The following ZNF652 variants were observed in gnomAD, a reference collection of about 807,000 sequenced individuals.
ZNF652 encodes zinc finger protein 652.
A neutral mutation model predicts 45.2 loss-of-function variants in ZNF652; 16 were observed. The observed-to-expected ratio is 0.35, with a 90% CI of 0.24 to 0.54. The LOEUF (loss-of-function observed/expected upper bound fraction) is 0.54, where lower values mean the gene tolerates loss of function less well. ZNF652 is among the 20% of genes least tolerant of loss of function. The pLI is 0.91. For synonymous variants in ZNF652, 250 were observed against 260.6 expected (o/e 0.96, Z 0.39); for missense variants, 614 against 765.6 (o/e 0.80, Z 2.34).
rs1441706538 is a variant in ZNF652, at chr17:49,297,719, T to C, written c.*694A>G. The stretch of plus-strand genomic sequence containing the variant: ...ATCTTTAAGAATCACATTTTGATGA[T>C]TATAAAAATTTTTTTCTATTTTACA... On this transcript the variant is annotated 3_prime_UTR_variant, in exon 6 of 6. Transcript: ENST00000430262. The C allele has an allele frequency of 6.6e-6, 1 of 152,646 alleles. No individual in the cohort carries two copies. The highest frequency in any genetic ancestry group is 1.5e-5 in the Non-Finnish European group (1 of 68,048). 9.5% of individuals were successfully genotyped at this position (152,646 alleles called of 1,614,324 possible). A position where few individuals can be genotyped will look rare whatever the true frequency, so the allele number is the denominator to read the frequency against.
chr17:49,298,386 C>G lies in ZNF652; in HGVS notation c.*27G>C. The G allele has an allele frequency of 6.2e-7, 1 of 1,611,660 alleles. No individual in the cohort carries two copies. The highest frequency in any genetic ancestry group is 8.5e-7 in the Non-Finnish European group (1 of 1,179,736). ...ACGCTCACACATGGGGACGTGTCTC[C>G]TGGAGAACACACTAAGGAGACGGAT... On this transcript the variant is annotated 3_prime_UTR_variant, in exon 6 of 6. Coordinates refer to ENST00000430262, the MANE Select transcript of ZNF652 (RefSeq NM_001145365.3).
At chr17:49,332,118 C>CA (rs1162542736) in intron 1 of ZNF652, among the ~76,000 whole-genome samples, 2 of 151,182 alleles carry the variant, frequency 1.3e-5, no homozygotes, top group East Asian at 3.9e-4. Context: ...ACTGATAATA[C>CA]AAAAATTTAG....
At chr17:49,352,834 A>C (rs929465789) in intron 1 of ZNF652, among the ~76,000 whole-genome samples, 1 of 152,258 alleles carries the variant, frequency 6.6e-6, no homozygotes, top group Non-Finnish European at 1.5e-5. Flanking sequence ...CCAAATACTT[A>C]GAAAAATCTC....
chr17:49,302,885 C>G (rs2143718126), intron 5 of ZNF652, among the ~76,000 whole-genome samples: 1 of 152,156 alleles, frequency 6.6e-6, no homozygotes, highest in Admixed American at 6.5e-5. Context: ...TCGCTTGAAC[C>G]CAGGAGGCAG....
intron 3 of ZNF652, among the ~76,000 whole-genome samples, chr17:49,312,354 C>A (rs1347518020): frequency 2.0e-5 from 3 of 151,776 alleles, no homozygotes; most frequent in Non-Finnish European, 1.5e-5. Context: ...TTAGTAGAGA[C>A]AGGGTTTCGC....
At position 49,295,569 on chromosome 17, in the gene ZNF652, A is replaced by G. The variant is rs1305385081; in HGVS notation, c.*2844T>C. ...TATTCCAGTGTATAATTACAGTACA[A>G]CCTCATGAAATGGTTGATTCTGTGG... On this transcript the variant is annotated 3_prime_UTR_variant, in exon 6 of 6. Transcript: ENST00000430262. 1 of 152,480 alleles carries G rather than the reference A, an allele frequency of 6.6e-6. No individual in the cohort carries two copies. Among genetic ancestry groups the G allele is most frequent in the Non-Finnish European group, 1.5e-5 (1 of 68,018 alleles). The allele number at this position is 152,480 out of a possible 1,614,324, so 9.4% of individuals were successfully genotyped here. A position where few individuals can be genotyped will look rare whatever the true frequency, so the allele number is the denominator to read the frequency against.
intron 1 of ZNF652, among the ~76,000 whole-genome samples, chr17:49,341,489 CAAAAAAA>C (rs754847307): frequency 2.3e-4 from 19 of 82,194 alleles, no homozygotes; most frequent in South Asian, 9.0e-4. Flanking sequence ...CTCATCTCTA[CAAAAAAA>C]AAAAAAAAAA....
At chr17:49,330,866 C>T (rs1404256001) in intron 1 of ZNF652, among the ~76,000 whole-genome samples, 1 of 150,748 alleles carries the variant, frequency 6.6e-6, no homozygotes, top group Non-Finnish European at 1.5e-5. Flanking sequence ...GCCTGACCAA[C>T]ATGGAGAAAC....
At chr17:49,353,060 T>C (rs1211213053) in intron 1 of ZNF652, among the ~76,000 whole-genome samples, 1 of 152,196 alleles carries the variant, frequency 6.6e-6, no homozygotes, top group African/African-American at 2.4e-5. Flanking sequence ...GTGGTGGTTA[T>C]ACAAATTGAT....
At chr17:49,350,991 AT>A (rs2070268285) in intron 1 of ZNF652, among the ~76,000 whole-genome samples, 1 of 20,976 alleles carries the variant, frequency 4.8e-5, no homozygotes, top group African/African-American at 1.9e-4. Flanking sequence ...ATATATATAT[AT>A]ATATATATAT....
At chr17:49,313,482 T>C (rs530334177) in intron 2 of ZNF652, among the ~76,000 whole-genome samples, 1 of 152,182 alleles carries the variant, frequency 6.6e-6, no homozygotes, top group African/African-American at 2.4e-5. Context: ...TAAACAGAAG[T>C]TGCAAGACAT....
intron 2 of ZNF652, among the ~76,000 whole-genome samples, chr17:49,314,170 TA>T (rs1195331024): frequency 3.6e-4 from 55 of 152,030 alleles, no homozygotes; most frequent in Non-Finnish European, 1.5e-4. Flanking sequence ...AAATCATTAT[TA>T]TTTTTTTTGA....
chr17:49,352,954 G>T (rs2070298026), intron 1 of ZNF652, among the ~76,000 whole-genome samples: 3 of 152,158 alleles, frequency 2.0e-5, no homozygotes, highest in Admixed American at 2.0e-4. Flanking sequence ...ATCGATAGTT[G>T]CCCAGGGTGA....
At chr17:49,356,638 G>A (rs934591745) in intron 1 of ZNF652, among the ~76,000 whole-genome samples, 3 of 151,332 alleles carry the variant, frequency 2.0e-5, no homozygotes, top group Non-Finnish European at 4.4e-5. Flanking sequence ...AATCTAAGGT[G>A]AGTCAAAGAC....
intron 5 of ZNF652, among the ~76,000 whole-genome samples, chr17:49,306,477 T>C: frequency 6.6e-6 from 1 of 152,178 alleles, no homozygotes; most frequent in Non-Finnish European, 1.5e-5. Flanking sequence ...TGGTTTTTAA[T>C]AGAGATGGTG....
chr17:49,303,247 C>CTTTTTTT (rs779042339), intron 5 of ZNF652, among the ~76,000 whole-genome samples: 3 of 121,784 alleles, frequency 2.5e-5, no homozygotes, highest in Non-Finnish European at 3.2e-5. Context: ...TTACGCTTAT[C>CTTTTTTT]TTTTTTTTTT....
At chr17:49,349,847 T>C (rs1316821855) in intron 1 of ZNF652, among the ~76,000 whole-genome samples, 2 of 152,190 alleles carry the variant, frequency 1.3e-5, no homozygotes, top group African/African-American at 4.8e-5. Flanking sequence ...GAACTATCTG[T>C]GAATGTCACA....
In ZNF652 at chr17:49,298,573, GGGTGGATGTGCA is replaced by G; in HGVS notation, c.1649_1660del (p.Leu550_His553del). 1.2e-6 allele frequency: 2 copies of G among 1,611,754 alleles called. No homozygotes were observed. Among genetic ancestry groups the G allele is most frequent in the Non-Finnish European group, 1.7e-6 (2 of 1,179,112 alleles). On this transcript the variant is annotated inframe_deletion, in exon 6 of 6. Transcript: ENST00000430262. ...AAGGTGGTGTGGGTGGTGAGGGTGT[GGGTGGATGTGCA>G]GGTGTGAGAAGGGGTGGGGGATGGG...
chr17:49,307,515 G>A (rs2069647809), intron 5 of ZNF652, among the ~76,000 whole-genome samples: 1 of 149,454 alleles, frequency 6.7e-6, no homozygotes, highest in African/African-American at 2.5e-5. Context: ...GTCAAGGCGG[G>A]CAGATCATGA....
Sources: gnomAD v4.1 joint callset for allele counts (sites outside exome capture counted in the v4.1 genomes callset) on GRCh38, gnomAD v4.1.1 for gene constraint, MANE v1.5 for transcripts, NCBI Gene and HGNC (gene_info 2026-07-23, HGNC 2026-07-21) for gene names.